LIN7C: variants seen among roughly 807,000 people sequenced by gnomAD.
The protein encoded by LIN7C is lin-7 cell polarity scaffold C, also known as protein lin-7 homolog C.
A neutral mutation model predicts 24.7 loss-of-function variants in LIN7C; 17 were observed. The ratio of observed to expected loss-of-function variants is 0.69; its 90% confidence interval spans 0.47 to 1.03. The LOEUF is 1.03. LIN7C is among the 50% of genes least tolerant of loss of function. LIN7C has a pLI of 0.00. For missense variants in LIN7C, 204 were observed against 239.0 expected, an observed-to-expected ratio of 0.85 and a Z score of 0.97; for synonymous variants, 90 against 83.4, an observed-to-expected ratio of 1.08 and a Z score of -0.43.
At chr11:27,499,817 TG>T (rs770379079) in intron 3 of LIN7C, among the ~76,000 whole-genome samples, 38 of 152,162 alleles carry the variant, frequency 2.5e-4, no homozygotes, top group Middle Eastern at 3.4e-3. Context: ...TTAGTAGAGA[TG>T]GGGTTTCACC....
Position 27,501,819 on chromosome 11 carries a change from A to G in LIN7C, c.139T>C (p.Cys47Arg). 1 of 1,608,184 alleles carries G rather than the reference A, an allele frequency of 6.2e-7. No individual in the cohort carries two copies. Among genetic ancestry groups the G allele is most frequent in the South Asian group, 1.1e-5 (1 of 90,848 alleles). The part of the protein sequence containing the change: ...ALQRVLQSEF[C>R]NAVREVYEHV... ...TTACTCACCTCTCTCACAGCATTGC[A>G]GAATTCACTTTGAAGGACTCTTTGC... is the stretch of plus-strand genomic sequence containing the variant. Residue 47 changes from cysteine (C) to arginine (R), a missense_variant, in exon 2 of 5, where the codon TGC (cysteine) becomes CGC (arginine). Cys to Arg is a radical substitution (Grantham distance 180). Around this residue, in one of 3 missense-constraint regions of LIN7C, gnomAD observed 126 missense variants for 117.8 expected, o/e 1.07. Coordinates refer to ENST00000278193, the MANE Select transcript of LIN7C (RefSeq NM_018362.4).
rs988726589 is a variant in LIN7C at position 27,496,101 on chromosome 11, T to A, written c.*2548A>T. ...AAGAGTGTCCAGTGTAATCAGATCA[T>A]TTTATAATGGGTTATTGACCCTAGG... On this transcript the variant is annotated 3_prime_UTR_variant, in exon 5 of 5. Coordinates refer to ENST00000278193, the MANE Select transcript of LIN7C (RefSeq NM_018362.4). The A allele has an allele frequency of 6.6e-6, 1 of 151,924 alleles. No individual in the cohort carries two copies. Among genetic ancestry groups the A allele is most frequent in the African/African-American group, 2.4e-5 (1 of 41,374 alleles). The allele number at this position is 151,924 out of a possible 1,614,324, so 9.4% of individuals were successfully genotyped here.
Position 27,496,523 on chromosome 11 carries a change from T to G in LIN7C, c.*2126A>C, listed in dbSNP as rs1865172174. 1 of 152,168 alleles carries G rather than the reference T, an allele frequency of 6.6e-6. No individual in the cohort carries two copies. The highest frequency in any genetic ancestry group is 1.5e-5 in the Non-Finnish European group (1 of 68,018). The allele number at this position is 152,168 out of a possible 1,614,324, so 9.4% of individuals were successfully genotyped here. A position where few individuals can be genotyped will look rare whatever the true frequency, so the allele number is the denominator to read the frequency against. On this transcript the variant is annotated 3_prime_UTR_variant, in exon 5 of 5. Coordinates refer to ENST00000278193, the MANE Select transcript of LIN7C (RefSeq NM_018362.4). ...GGATACATTATGAAAACTGCATTAA[T>G]GAAAACAACCTACTGCTATTCATGC...
Position 27,499,430 on chromosome 11 carries a change from T to C in LIN7C, c.367A>G (p.Ile123Val). Reference sequence around the variant, plus strand: ...TGTCTATCAGCAATTCCACCTGGAATTATTCGGGATATATAGATTGGAGAG... The same window carrying C: ...TGTCTATCAGCAATTCCACCTGGAACTATTCGGGATATATAGATTGGAGAG... ...QNSPIYISRI[I>V]PGGIADRHGG... Residue 123 changes from isoleucine to valine, a missense_variant, in exon 4 of 5, where the codon ATT becomes GTT. This residue lies in a region of LIN7C where 74 missense variants were observed against 99.6 expected (regional missense o/e 0.74). Coordinates refer to ENST00000278193, the MANE Select transcript of LIN7C (RefSeq NM_018362.4). 3 of 1,614,176 alleles carry C rather than the reference T, an allele frequency of 1.9e-6. No homozygotes were observed. Among genetic ancestry groups the C allele is most frequent in the Non-Finnish European group, 2.5e-6 (3 of 1,180,022 alleles).
At chr11:27,501,680 A>T (rs1199626602) in intron 2 of LIN7C, 114 bp from the exon 3 acceptor site, 1 of 898,950 alleles carries the variant, frequency 1.1e-6, no homozygotes, top group African/African-American at 1.7e-5. Flanking sequence ...AAATTCCAAA[A>T]ATGAGAGGGA....
In LIN7C at chr11:27,498,812, A is replaced by G. The variant is rs569522277; in HGVS notation, c.439-8T>C. The G allele has an allele frequency of 1.7e-5, 27 of 1,591,882 alleles. No individual in the cohort carries two copies. The highest frequency in any genetic ancestry group is 5.3e-5 in the Admixed American group (3 of 56,508). ...ATGTTCTCCTTCAACACTCTAGGGG[A>G]AAAAAAAACAACCAACCATACACTA... On this transcript the variant is annotated splice_polypyrimidine_tract_variant and splice_region_variant and intron_variant, in intron 4 of 4. Transcript: ENST00000278193.
chr11:27,505,417 A>C (rs1865270827), intron 1 of LIN7C, among the ~76,000 whole-genome samples: 1 of 152,228 alleles, frequency 6.6e-6, no homozygotes, highest in Non-Finnish European at 1.5e-5. Context: ...TGTTAACACC[A>C]AACAGATTTG....
rs1020621196 is a variant in LIN7C, at chr11:27,498,227, TA to T, written c.*421del. The stretch of plus-strand genomic sequence containing the variant: ...AAAACTGTAAAGAAATTTCACAGGT[TA>T]AAAAAAATAGAGTAAGCAAAAAAAA... On this transcript the variant is annotated 3_prime_UTR_variant, in exon 5 of 5. Coordinates refer to ENST00000278193, the MANE Select transcript of LIN7C (RefSeq NM_018362.4). 3.9e-4 allele frequency: 60 copies of T among 152,976 alleles called. No individual in the cohort carries two copies. The highest frequency in any genetic ancestry group is 1.4e-3 in the African/African-American group (57 of 41,342). 9.5% of individuals were successfully genotyped at this position (152,976 alleles called of 1,614,324 possible).
chr11:27,506,236 G>A (rs1280710307), intron 1 of LIN7C, among the ~76,000 whole-genome samples: 1 of 152,218 alleles, frequency 6.6e-6, no homozygotes, highest in Non-Finnish European at 1.5e-5. Context: ...ACCCCAACCC[G>A]AATACAAGCG....
intron 1 of LIN7C, among the ~76,000 whole-genome samples, chr11:27,503,100 A>C (rs1590443171): frequency 6.6e-6 from 1 of 152,334 alleles, no homozygotes; most frequent in East Asian, 1.9e-4. Flanking sequence ...GGGTGACAAG[A>C]GTGAAACTCC....
chr11:27,494,916 T>C lies in LIN7C; in HGVS notation c.*3733A>G, dbSNP rs1416853942. On this transcript the variant is annotated 3_prime_UTR_variant, in exon 5 of 5. Coordinates refer to ENST00000278193, the MANE Select transcript of LIN7C (RefSeq NM_018362.4). ...TAGAAAATTCATAAACATACATTTATTCAGGAAATACAATTACTAGAATCC... is the reference window on the plus strand; with the variant it reads ...TAGAAAATTCATAAACATACATTTACTCAGGAAATACAATTACTAGAATCC... 10 of 152,472 alleles carry C rather than the reference T, an allele frequency of 6.6e-5. No individual in the cohort carries two copies. Among genetic ancestry groups the C allele is most frequent in the African/African-American group, 2.4e-4 (10 of 41,460 alleles). The allele number at this position is 152,472 out of a possible 1,614,324, so 9.4% of individuals were successfully genotyped here.
rs1328298736 is a variant in LIN7C at position 27,497,010 on chromosome 11, C to A, written c.*1639G>T. On this transcript the variant is annotated 3_prime_UTR_variant, in exon 5 of 5. Coordinates refer to ENST00000278193, the MANE Select transcript of LIN7C (RefSeq NM_018362.4). ...TTTGGTCTCAACATTTTTAAAACAT[C>A]AATTAATTTTGAAAATTTACAATTT... The A allele has an allele frequency of 6.6e-6, 1 of 152,552 alleles. No homozygotes were observed. The highest frequency in any genetic ancestry group is 1.5e-5 in the Non-Finnish European group (1 of 67,974). 9.4% of individuals were successfully genotyped at this position (152,552 alleles called of 1,614,324 possible).
intron 1 of LIN7C, among the ~76,000 whole-genome samples, chr11:27,505,641 C>T (rs1865275820): frequency 6.6e-6 from 1 of 152,178 alleles, no homozygotes; most frequent in Admixed American, 6.5e-5. Context: ...TGTGGGAAGG[C>T]ATTAGGAAAG....
At chr11:27,502,069 G>A (rs117038400) in intron 1 of LIN7C, 149 bp from the exon 2 acceptor site, 9,552 of 582,200 alleles carry the variant, frequency 0.016, 120 homozygotes, top group Non-Finnish European at 0.024. Context: ...CATTTGGTGG[G>A]AAGGAGACTG....
At chr11:27,498,933 AC>A in intron 4 of LIN7C, 129 bp from the exon 5 acceptor site, 1 of 772,366 alleles carries the variant, frequency 1.3e-6, no homozygotes, top group South Asian at 1.7e-5. Context: ...ACATTACAAA[AC>A]TAAGAAATAA....
rs1865151069 is a variant in LIN7C at position 27,495,199 on chromosome 11, G to A, written c.*3450C>T. The A allele has an allele frequency of 6.6e-6, 1 of 152,232 alleles. No homozygotes were observed. Among genetic ancestry groups the A allele is most frequent in the South Asian group, 2.1e-4 (1 of 4,834 alleles). The allele number at this position is 152,232 out of a possible 1,614,324, so 9.4% of individuals were successfully genotyped here. On this transcript the variant is annotated 3_prime_UTR_variant, in exon 5 of 5. Coordinates refer to ENST00000278193, the MANE Select transcript of LIN7C (RefSeq NM_018362.4). The stretch of plus-strand genomic sequence containing the variant: ...AAACATATTTGAGGCTGGGCATGGT[G>A]GCTCACGCCAGTAATTCCAGCACTT...
intron 4 of LIN7C, 80 bp from the exon 5 acceptor site, chr11:27,498,884 A>G: frequency 8.3e-7 from 1 of 1,211,230 alleles, no homozygotes. Context: ...TGTTTACAAT[A>G]TATATAATGA....
intron 1 of LIN7C, among the ~76,000 whole-genome samples, chr11:27,505,987 A>G (rs1865284412): frequency 6.6e-6 from 1 of 152,208 alleles, no homozygotes; most frequent in Admixed American, 6.5e-5. Context: ...AGGCTTCTCT[A>G]TCTCTAATTA....
chr11:27,504,823 T>C (rs954477529), intron 1 of LIN7C, among the ~76,000 whole-genome samples: 1 of 152,232 alleles, frequency 6.6e-6, no homozygotes, highest in African/African-American at 2.4e-5. Context: ...TGTCTGTACA[T>C]GTTCTATACA....
Sources: allele counts gnomAD v4.1 joint callset (sites outside exome capture counted in the v4.1 genomes callset), GRCh38; gene constraint gnomAD v4.1.1; regional missense constraint gnomAD v4.1.1; transcripts MANE v1.5; gene names NCBI Gene and HGNC (gene_info 2026-07-23, HGNC 2026-07-21).